The following GOLGA8A variants were observed in gnomAD, a reference collection of about 807,000 sequenced individuals.
The protein encoded by GOLGA8A is golgin A8 family member A.
GOLGA8A carries 3 observed loss-of-function variants against 22.1 expected under a neutral mutation model. The ratio of observed to expected loss-of-function variants is 0.14; its 90% CI spans 0.06 to 0.35. The LOEUF (loss-of-function observed/expected upper bound fraction) is 0.35. GOLGA8A is among the 10% of genes least tolerant of loss of function. The probability of loss-of-function intolerance (pLI) is 1.00; values close to 1 mark genes in which losing one functional copy is unlikely to be tolerated. For synonymous variants in GOLGA8A, 7 were observed against 91.7 expected (o/e 0.08, Z 5.28); for missense variants, 16 against 233.2 (o/e 0.07, Z 6.07).
Position 34,437,736 on chromosome 15 carries a change from G to T in GOLGA8A, c.-1550C>A, listed in dbSNP as rs1225417821. Among the ~76,000 whole-genome samples the T allele has an allele frequency of 1.4e-5, 2 of 146,390 alleles. 1 individual carries two copies. Among genetic ancestry groups the T allele is most frequent in the East Asian group, 4.0e-4 (2 of 4,962 alleles). ...GCCGCGCCGCTGCCGGGTCTCTCCC[G>T]GGGGCTGAGCTCCCGCAGAGCTCGC... On this transcript the variant is annotated 5_prime_UTR_variant, in exon 1 of 25. Coordinates refer to ENST00000359187, the MANE Select transcript of GOLGA8A (RefSeq NM_181077.5).
chr15:34,435,137 G>A (rs570703336), intron 2 of GOLGA8A, among the ~76,000 whole-genome samples: 4 of 149,492 alleles, frequency 2.7e-5, no homozygotes, highest in Non-Finnish European at 4.5e-5. Flanking sequence ...CAGAGGACAC[G>A]GAGGAGTGCC....
rs892948421 is a variant in GOLGA8A, at chr15:34,437,472, C to G, written c.-1286G>C. 2 of 114,094 alleles carry G rather than the reference C, an allele frequency of 1.8e-5. No homozygotes were observed. Among genetic ancestry groups the G allele is most frequent in the African/African-American group, 3.2e-5 (1 of 30,820 alleles). 7.1% of individuals were successfully genotyped at this position (114,094 alleles called of 1,614,324 possible). On this transcript the variant is annotated 5_prime_UTR_variant, in exon 1 of 25. Transcript: ENST00000359187. ...GCCGTCCTCGCCGCGCCGCCGTCCT[C>G]GCCGCGCCGCCGTCCTCGCCGCGCC...
intron 6 of GOLGA8A, 74 bp downstream of exon 6, chr15:34,400,638 G>T (rs1326187814): frequency 7.0e-6 from 1 of 142,602 alleles, no homozygotes; most frequent in African/African-American, 2.5e-5. Context: ...TTTGTTTTAG[G>T]CCTGCGTGCT....
At position 34,379,753 on chromosome 15, in the gene GOLGA8A, CA is replaced by C. The variant is rs1199004943; in HGVS notation, c.*1657del. On this transcript the variant is annotated 3_prime_UTR_variant, in exon 25 of 25. Coordinates refer to ENST00000359187, the MANE Select transcript of GOLGA8A (RefSeq NM_181077.5). Reference sequence around the variant, plus strand: ...AATGTGATGTGTTTTGGAACACAGACATTAGAACTTCATGAAGTTTTAACTG... The same window carrying C: ...AATGTGATGTGTTTTGGAACACAGACTTAGAACTTCATGAAGTTTTAACTG... 6.6e-6 allele frequency: 1 copy of C among 152,612 alleles called. No homozygotes were observed. Among genetic ancestry groups the C allele is most frequent in the Non-Finnish European group, 1.5e-5 (1 of 68,028 alleles). 9.5% of individuals were successfully genotyped at this position (152,612 alleles called of 1,614,324 possible). A position where few individuals can be genotyped will look rare whatever the true frequency, so the allele number is the denominator to read the frequency against.
chr15:34,425,812 T>C (rs1339842194), intron 2 of GOLGA8A, among the ~76,000 whole-genome samples: 2 of 146,602 alleles, frequency 1.4e-5, no homozygotes, highest in African/African-American at 5.0e-5. Flanking sequence ...TTCAAATTAG[T>C]AGTAAGCACA....
chr15:34,436,137 A>C (rs907734436), intron 1 of GOLGA8A, among the ~76,000 whole-genome samples: 2 of 148,824 alleles, frequency 1.3e-5, no homozygotes, highest in Non-Finnish European at 3.0e-5. Context: ...GCCTCACCTC[A>C]CTGGAGGGAC....
chr15:34,429,160 C>A lies in GOLGA8A; in HGVS notation c.-1123+6223G>T, dbSNP rs199927511. 5.5e-4 allele frequency among the ~76,000 whole-genome samples: 80 copies of A among 145,812 alleles called. 4 individuals carry two copies. Among genetic ancestry groups the A allele is most frequent in the Admixed American group, 1.3e-3 (19 of 14,206 alleles). On this transcript the variant is annotated intron_variant, in intron 2 of 24. Coordinates refer to ENST00000359187, the MANE Select transcript of GOLGA8A (RefSeq NM_181077.5). ...GCCTCTGGATGCACCTCTCAACACG[C>A]CCCTGACCGCGTCTTCCTCCCATGC...
At chr15:34,412,461 G>A (rs115888940) in intron 2 of GOLGA8A, among the ~76,000 whole-genome samples, 5,548 of 149,416 alleles carry the variant, frequency 0.037, 87 homozygotes, top group African/African-American at 0.13. Flanking sequence ...ACTTAAGGTG[G>A]GGAGACATCG....
At chr15:34,428,174 G>T (rs1893066658) in intron 2 of GOLGA8A, among the ~76,000 whole-genome samples, 2 of 146,104 alleles carry the variant, frequency 1.4e-5, no homozygotes, top group South Asian at 2.3e-4. Context: ...ACTCACTGCA[G>T]CCTCAACCTC....
At chr15:34,429,402 C>G (rs1236373755) in intron 2 of GOLGA8A, among the ~76,000 whole-genome samples, 8 of 145,824 alleles carry the variant, frequency 5.5e-5, no homozygotes, top group Admixed American at 4.2e-4. Flanking sequence ...AAAACTTGGC[C>G]CTCCCTATGC....
rs375904961 is a variant in GOLGA8A at position 34,413,747 on chromosome 15, C to T, written c.-1122-6012G>A. Among the ~76,000 whole-genome samples the T allele has an allele frequency of 3.2e-3, 216 of 68,000 alleles. 43 individuals carry two copies. Among genetic ancestry groups the T allele is most frequent in the African/African-American group, 8.5e-3 (207 of 24,466 alleles). The allele number at this position is 68,000 out of a possible 152,430, so 44.6% of individuals were successfully genotyped here. On this transcript the variant is annotated intron_variant, in intron 2 of 24. Transcript: ENST00000359187. ...TCGTGGGGCGGTGGGTGGGCACATC[C>T]CTGGGAGGTTTCAGGAGGACATTCA...
chr15:34,427,211 G>A (rs550746011), intron 2 of GOLGA8A, among the ~76,000 whole-genome samples: 1 of 146,494 alleles, frequency 6.8e-6, no homozygotes, highest in Admixed American at 7.0e-5. Context: ...GGCGCCTGTA[G>A]TCCCAGCTAC....
At chr15:34,426,980 G>A (rs1199451971) in intron 2 of GOLGA8A, among the ~76,000 whole-genome samples, 2 of 146,658 alleles carry the variant, frequency 1.4e-5, no homozygotes, top group East Asian at 4.1e-4. Flanking sequence ...GCAGCCTCTA[G>A]TTGTTAAAGA....
rs1190220669 is a variant in GOLGA8A, at chr15:34,425,901, A to G, written c.-1123+9482T>C. Among the ~76,000 whole-genome samples, 6 of 144,858 alleles carry G rather than the reference A, an allele frequency of 4.1e-5. 1 individual carries two copies. Among genetic ancestry groups the G allele is most frequent in the Non-Finnish European group, 9.1e-5 (6 of 65,732 alleles). ...CTATCACTTTACACCCACTTGACTG[A>G]ATGAAACACAAAGACTGATCATGTC... On this transcript the variant is annotated intron_variant, in intron 2 of 24. Transcript: ENST00000359187.
intron 2 of GOLGA8A, among the ~76,000 whole-genome samples, chr15:34,434,346 C>G (rs1474435474): frequency 6.7e-6 from 1 of 149,678 alleles, no homozygotes; most frequent in Non-Finnish European, 1.5e-5. Context: ...GGAAACCTCA[C>G]AGCCGGCACA....
chr15:34,427,024 A>G (rs1426011296), intron 2 of GOLGA8A, among the ~76,000 whole-genome samples: 6 of 147,506 alleles, frequency 4.1e-5, no homozygotes, highest in African/African-American at 1.5e-4. Context: ...CAAAATAGAC[A>G]AGCACTTTAA....
rs966993490 is a variant in GOLGA8A, at chr15:34,421,595, T to C, written c.-1123+13788A>G. ...TAAGTCCTCAAGAAGACTGCATGGGTTGAGGCACTGGACTTCTAATCATGC... is the reference window on the plus strand; with the variant it reads ...TAAGTCCTCAAGAAGACTGCATGGGCTGAGGCACTGGACTTCTAATCATGC... On this transcript the variant is annotated intron_variant, in intron 2 of 24. Transcript: ENST00000359187. Among the ~76,000 whole-genome samples the C allele has an allele frequency of 2.8e-5, 4 of 143,838 alleles. 1 individual carries two copies. The highest frequency in any genetic ancestry group is 1.0e-4 in the African/African-American group (4 of 39,334). 94.4% of individuals were successfully genotyped at this position (143,838 alleles called of 152,430 possible).
At position 34,437,776 on chromosome 15, in the gene GOLGA8A, C is replaced by T. The variant is rs947231919; in HGVS notation, c.-1590G>A. Among the ~76,000 whole-genome samples, 12 of 148,424 alleles carry T rather than the reference C, an allele frequency of 8.1e-5. 2 individuals carry two copies. The highest frequency in any genetic ancestry group is 5.0e-5 in the African/African-American group (2 of 40,334). ...GCAGAGCTCGCGCCTAGCCGCACAC[C>T]TCGACTGCTGATTAGCCCGACAGCT... On this transcript the variant is annotated 5_prime_UTR_variant, in exon 1 of 25. Transcript: ENST00000359187.
At chr15:34,420,850 T>C (rs904137697) in intron 2 of GOLGA8A, among the ~76,000 whole-genome samples, 20 of 129,210 alleles carry the variant, frequency 1.5e-4, no homozygotes, top group African/African-American at 5.9e-4. Context: ...ACATCTCTGA[T>C]GGGACACAAG....
Sources: gnomAD v4.1 joint callset for allele counts (sites outside exome capture counted in the v4.1 genomes callset) on GRCh38, gnomAD v4.1.1 for gene constraint, MANE v1.5 for transcripts, NCBI Gene and HGNC (gene_info 2026-07-23, HGNC 2026-07-21) for gene names.